MCUR1: variants seen among roughly 807,000 people sequenced by gnomAD.
The protein encoded by MCUR1 is mitochondrial calcium uniporter regulator 1.
A neutral mutation model predicts 42.0 loss-of-function variants in MCUR1; 37 were observed. That is an observed-to-expected ratio of 0.88 (90% CI 0.68 to 1.16). The LOEUF is 1.16. Among genes scored for constraint, MCUR1 ranks in the 50% most tolerant of loss-of-function variants. The probability of loss-of-function intolerance (pLI) is 0.00; values close to 1 mark genes in which losing one functional copy is unlikely to be tolerated. For missense variants in MCUR1, 469 were observed against 468.4 expected (o/e 1.00, Z -0.01); for synonymous variants, 229 against 196.2 (o/e 1.17, Z -1.40).
chr6:13,787,263 C>A lies in MCUR1; in HGVS notation c.*3546G>T, dbSNP rs1329088597. ...CCGACACACAGAGGCATGTTTGTTG[C>A]GGCTCAGGGTTTCTGTTTTTCAAGT... On this transcript the variant is annotated 3_prime_UTR_variant, in exon 9 of 9. Transcript: ENST00000379170. 2 of 152,134 alleles carry A rather than the reference C, an allele frequency of 1.3e-5. No individual in the cohort carries two copies. Among genetic ancestry groups the A allele is most frequent in the Admixed American group, 6.5e-5 (1 of 15,272 alleles). The allele number at this position is 152,134 out of a possible 1,614,324, so 9.4% of individuals were successfully genotyped here. A position where few individuals can be genotyped will look rare whatever the true frequency, so the allele number is the denominator to read the frequency against.
In MCUR1 at chr6:13,814,040, C is replaced by G. The variant is rs1584993118; in HGVS notation, c.390G>C (p.Ala130=). The part of the protein sequence containing the change: ...AGALPQYHGP[A]PALVSCRREL... ...CTCTCCTGCAGGAAACGAGTGCAGG[C>G]GCCGGGCCGTGGTACTGGGGAAGGG... is the stretch of plus-strand genomic sequence containing the variant. The change falls in exon 1 of 9, where the codon GCG becomes GCC. Residue 130 remains alanine (A), a synonymous_variant. Coordinates refer to ENST00000379170, the MANE Select transcript of MCUR1 (RefSeq NM_001031713.4). 8.1e-7 allele frequency: 1 copy of G among 1,236,886 alleles called. No individual in the cohort carries two copies. The highest frequency in any genetic ancestry group is 1.0e-6 in the Non-Finnish European group (1 of 991,234). 76.6% of individuals were successfully genotyped at this position (1,236,886 alleles called of 1,614,324 possible).
intron 5 of MCUR1, among the ~76,000 whole-genome samples, chr6:13,799,719 G>A (rs560098108): frequency 4.0e-5 from 6 of 151,592 alleles, no homozygotes; most frequent in Admixed American, 6.6e-5. Flanking sequence ...TAAAAATCAC[G>A]TGTGATTCTC....
rs1759673417 is a variant in MCUR1 at position 13,789,317 on chromosome 6, C to G, written c.*1492G>C. Reference sequence around the variant, plus strand: ...TCAGGAGACTGAGGCAGGAGAATCGCTTGAACCCAGGAGGCAGAGGTTGCA... The same window carrying G: ...TCAGGAGACTGAGGCAGGAGAATCGGTTGAACCCAGGAGGCAGAGGTTGCA... On this transcript the variant is annotated 3_prime_UTR_variant, in exon 9 of 9. Transcript: ENST00000379170. The G allele has an allele frequency of 6.6e-6, 1 of 152,126 alleles. No individual in the cohort carries two copies. The highest frequency in any genetic ancestry group is 2.1e-4 in the South Asian group (1 of 4,816). 9.4% of individuals were successfully genotyped at this position (152,126 alleles called of 1,614,324 possible). A position where few individuals can be genotyped will look rare whatever the true frequency, so the allele number is the denominator to read the frequency against.
chr6:13,810,967 A>G (rs1368088990), intron 1 of MCUR1, among the ~76,000 whole-genome samples: 1 of 152,178 alleles, frequency 6.6e-6, no homozygotes, highest in Non-Finnish European at 1.5e-5. Context: ...TAGCAACCTA[A>G]GCTATTCTAT....
At chr6:13,806,284 A>G (rs1760110480) in intron 2 of MCUR1, among the ~76,000 whole-genome samples, 2 of 152,154 alleles carry the variant, frequency 1.3e-5, no homozygotes, top group African/African-American at 4.8e-5. Context: ...AAAAGAAAAA[A>G]GAACAGTAAG....
At chr6:13,811,734 C>T (rs1247024171) in intron 1 of MCUR1, among the ~76,000 whole-genome samples, 1 of 152,122 alleles carries the variant, frequency 6.6e-6, no homozygotes, top group African/African-American at 2.4e-5. Flanking sequence ...TACTCTAGAC[C>T]TAAATTCCTT....
intron 6 of MCUR1, 147 bp downstream of exon 6, chr6:13,798,683 AATT>A: frequency 4.3e-6 from 2 of 462,152 alleles, no homozygotes; most frequent in Non-Finnish European, 7.2e-6. Context: ...CTTAATCCAA[AATT>A]ATTATAATAG....
At chr6:13,798,993 A>C (rs1759924857) in intron 5 of MCUR1, 89 bp from the exon 6 acceptor site, 1 of 789,312 alleles carries the variant, frequency 1.3e-6, no homozygotes, top group African/African-American at 1.7e-5. Context: ...CACTGCCCCC[A>C]CTGTCCCTAT....
rs547631593 is a variant in MCUR1 at position 13,795,353 on chromosome 6, AAAG to A, written c.856-1409_856-1407del. Among the ~76,000 whole-genome samples, 27 of 152,246 alleles carry A rather than the reference AAAG, an allele frequency of 1.8e-4. No individual in the cohort carries two copies. The South Asian group carries it at 5.0e-3, about 28-fold the overall frequency. ...TTAACTCAACATTGACTCACCCACA[AAAG>A]AAGAGCCTAAATATTGACGCTGTCA... On this transcript the variant is annotated intron_variant, in intron 6 of 8. Coordinates refer to ENST00000379170, the MANE Select transcript of MCUR1 (RefSeq NM_001031713.4).
At chr6:13,813,396 A>G (rs1760280468) in intron 1 of MCUR1, among the ~76,000 whole-genome samples, 1 of 152,154 alleles carries the variant, frequency 6.6e-6, no homozygotes, top group African/African-American at 2.4e-5. Flanking sequence ...GAATATATAA[A>G]AATTATTTGT....
intron 6 of MCUR1, among the ~76,000 whole-genome samples, chr6:13,796,447 G>C (rs970365498): frequency 4.0e-5 from 6 of 151,768 alleles, no homozygotes; most frequent in African/African-American, 7.3e-5. Flanking sequence ...CATCACGCTG[G>C]GCTAATTTTT....
rs188828707 is a variant in MCUR1, at chr6:13,803,374, G to A, written c.536-1028C>T. On this transcript the variant is annotated intron_variant, in intron 2 of 8. Coordinates refer to ENST00000379170, the MANE Select transcript of MCUR1 (RefSeq NM_001031713.4). ...CCACGCCTGGCCAGTACTTGGTATT[G>A]TTTTTAAAAACATTGGATAGTAACT... is the stretch of plus-strand genomic sequence containing the variant. Among the ~76,000 whole-genome samples the A allele has an allele frequency of 1.7e-4, 26 of 152,256 alleles. No individual in the cohort carries two copies. The East Asian group carries it at 4.8e-3, about 28-fold the overall frequency.
intron 6 of MCUR1, among the ~76,000 whole-genome samples, chr6:13,794,469 A>C (rs80133009): frequency 2.0e-5 from 3 of 152,152 alleles, no homozygotes; most frequent in African/African-American, 7.2e-5. Flanking sequence ...CTATCCCATC[A>C]TAACTAGTAG....
rs1195305896 is a variant in MCUR1 at position 13,800,494 on chromosome 6, G to C, written c.742-112C>G. 8.0e-6 allele frequency: 5 copies of C among 622,172 alleles called. No homozygotes were observed. In the South Asian group the frequency reaches 1.1e-4, roughly 14 times the overall value. 38.5% of individuals were successfully genotyped at this position (622,172 alleles called of 1,614,324 possible). On this transcript the variant is annotated intron_variant, in intron 4 of 8. Transcript: ENST00000379170. ...GTTCCTCAGGTTTTTCCTTCATTCA[G>C]AACACCGTATTGATTGCAGAATGGC...
intron 6 of MCUR1, among the ~76,000 whole-genome samples, chr6:13,795,196 G>C (rs1311157137): frequency 6.6e-6 from 1 of 151,816 alleles, no homozygotes; most frequent in Non-Finnish European, 1.5e-5. Context: ...CTAAGCCAAG[G>C]AGTAGGTTGT....
chr6:13,798,823 A>G lies in MCUR1; in HGVS notation c.855+10T>C. On this transcript the variant is annotated intron_variant, in intron 6 of 8. Transcript: ENST00000379170. ...TTAATTCATAATGTGTTTTTAGTAAAGGAACGTACCAATTCTTTTACTCTG... is the reference window on the plus strand; with the variant it reads ...TTAATTCATAATGTGTTTTTAGTAAGGGAACGTACCAATTCTTTTACTCTG... 6.2e-7 allele frequency: 1 copy of G among 1,604,968 alleles called. No individual in the cohort carries two copies. The highest frequency in any genetic ancestry group is 8.5e-7 in the Non-Finnish European group (1 of 1,173,400).
Position 13,792,038 on chromosome 6 carries a change from C to T in MCUR1, c.910-46G>A, listed in dbSNP as rs1414948654. 6.3e-6 allele frequency: 9 copies of T among 1,418,394 alleles called. No individual in the cohort carries two copies. The East Asian group carries it at 2.1e-4, about 32-fold the overall frequency. The allele number at this position is 1,418,394 out of a possible 1,614,324, so 87.9% of individuals were successfully genotyped here. ...ACAGCGTTAGACCACAGCACGTCCC[C>T]TCTGCTCACCATCCTATAGCTCCTT... On this transcript the variant is annotated intron_variant, in intron 7 of 8. Coordinates refer to ENST00000379170, the MANE Select transcript of MCUR1 (RefSeq NM_001031713.4).
At chr6:13,803,169 C>T (rs1464952892) in intron 2 of MCUR1, among the ~76,000 whole-genome samples, 1 of 152,174 alleles carries the variant, frequency 6.6e-6, no homozygotes, top group East Asian at 1.9e-4. Context: ...TCAAGCCATT[C>T]TCCTGCCTCA....
chr6:13,802,377 G>T, intron 2 of MCUR1, 31 bp from the exon 3 acceptor site: 1 of 1,571,526 alleles, frequency 6.4e-7, no homozygotes, highest in East Asian at 2.3e-5. Context: ...AAAAAATCAT[G>T]CTCAGAGTTA....
Sources: allele counts gnomAD v4.1 joint callset (sites outside exome capture counted in the v4.1 genomes callset), GRCh38; gene constraint gnomAD v4.1.1; transcripts MANE v1.5; gene names NCBI Gene and HGNC (gene_info 2026-07-23, HGNC 2026-07-21).